CLUH: variants seen among roughly 807,000 people sequenced by gnomAD.
The protein encoded by CLUH is clustered mitochondria protein homolog.
A neutral mutation model predicts 139.3 loss-of-function variants in CLUH; 77 were observed. The observed-to-expected ratio is 0.55, with a 90% confidence interval of 0.46 to 0.67. The LOEUF (loss-of-function observed/expected upper bound fraction) is 0.67, where lower values mean the gene tolerates loss of function less well. CLUH is among the 30% of genes least tolerant of loss of function. The pLI is 0.00. For missense variants in CLUH, 1,876 were observed against 1,875.8 expected (o/e 1.00, Z 0.00); for synonymous variants, 999 against 801.6 (o/e 1.25, Z -4.16).
intron 9 of CLUH, among the ~76,000 whole-genome samples, chr17:2,700,121 CT>C (rs2070119818): frequency 6.6e-6 from 1 of 152,254 alleles, no homozygotes; most frequent in Non-Finnish European, 1.5e-5. Context: ...CTGCACGGCC[CT>C]GGACACTCAG....
intron 3 of CLUH, among the ~76,000 whole-genome samples, chr17:2,702,429 C>A (rs187650357): frequency 6.6e-6 from 1 of 152,232 alleles, no homozygotes; most frequent in African/African-American, 2.4e-5. Flanking sequence ...CCTGCTCTCC[C>A]GAGGCAGCCT....
chr17:2,698,009 G>T lies in CLUH; in HGVS notation c.1848C>A (p.Pro616=), dbSNP rs568638765. The change falls in exon 10 of 26, where the codon CCC becomes CCA. Residue 616 remains proline, a synonymous_variant. Transcript: ENST00000651024. ...CCTCAGGCAGCTCCTCGCCAGGCAC[G>T]GGCAGGAAGTTGAGGTCCGGGGGGA... is the stretch of plus-strand genomic sequence containing the variant. ...RTFPPDLNFL[P]VPGEELPEEC... The T allele has an allele frequency of 3.1e-6, 5 of 1,601,352 alleles. No individual in the cohort carries two copies. The highest frequency in any genetic ancestry group is 3.4e-6 in the Non-Finnish European group (4 of 1,177,904).
intron 25 of CLUH, among the ~76,000 whole-genome samples, chr17:2,691,310 T>C (rs2069619448): frequency 6.6e-6 from 1 of 151,884 alleles, no homozygotes; most frequent in Non-Finnish European, 1.5e-5. Context: ...ACGCCTGGAA[T>C]CCCAGCACTC....
chr17:2,704,810 C>T lies in CLUH; in HGVS notation c.101-246G>A, dbSNP rs1449683807. Among the ~76,000 whole-genome samples, 1 of 152,146 alleles carries T rather than the reference C, an allele frequency of 6.6e-6. No homozygotes were observed. Among genetic ancestry groups the T allele is most frequent in the East Asian group, 1.9e-4 (1 of 5,184 alleles). ...GCACCTGAACCCATGTCCCAAACCA[C>T]TCTCCCCAGGGTCACCAAAGCCACC... is the stretch of plus-strand genomic sequence containing the variant. On this transcript the variant is annotated intron_variant, in intron 1 of 25. Coordinates refer to ENST00000651024, the MANE Select transcript of CLUH (RefSeq NM_001366661.1). The surrounding 1 kb of genome is among the most constrained non-coding windows in gnomAD (Gnocchi z 5.7).
rs757172508 is a variant in CLUH, at chr17:2,691,984, G to GCCCCCGCCCCCGC, written c.3654+19_3654+20insGCGGGGGCGGGGG. On this transcript the variant is annotated intron_variant, in intron 23 of 25. Transcript: ENST00000651024. Reference sequence around the variant, plus strand: ...ACGCCCCCGCCCCGCCCCCGCCCCCGCCACGCCCCCGCCGCGCACCTGCGT... The same window carrying GCCCCCGCCCCCGC: ...ACGCCCCCGCCCCGCCCCCGCCCCCGCCCCCGCCCCCGCCCACGCCCCCGCCGCGCACCTGCGT... 4.1e-5 allele frequency: 20 copies of GCCCCCGCCCCCGC among 487,330 alleles called. No homozygotes were observed. Among genetic ancestry groups the GCCCCCGCCCCCGC allele is most frequent in the African/African-American group, 8.0e-5 (1 of 12,538 alleles). The allele number at this position is 487,330 out of a possible 1,614,324, so 30.2% of individuals were successfully genotyped here.
In CLUH at chr17:2,695,463, G is replaced by A. The variant is rs776361105; in HGVS notation, c.2455C>T (p.Arg819Cys). ...VDGATLAEVM[R>C]QRGINMRYLG... ...TAGCGCATGTTGATGCCCCGCTGGC[G>A]CATCACCTCTGCCAGCGTTGCCCCG... is the stretch of plus-strand genomic sequence containing the variant. Residue 819 changes from arginine (R) to cysteine (C), a missense_variant, in exon 14 of 26, where the codon CGC becomes TGC. Physicochemically the swap from Arg to Cys is radical, Grantham distance 180. Around this residue, in one of 3 missense-constraint regions of CLUH, gnomAD observed 1,454 missense variants for 1,384.4 expected, o/e 1.05. Coordinates refer to ENST00000651024, the MANE Select transcript of CLUH (RefSeq NM_001366661.1). 8 of 1,611,182 alleles carry A rather than the reference G, an allele frequency of 5.0e-6. No individual in the cohort carries two copies. The highest frequency in any genetic ancestry group is 2.2e-5 in the South Asian group (2 of 91,074).
At chr17:2,693,686 C>T (rs192908790) in intron 19 of CLUH, among the ~76,000 whole-genome samples, 3 of 152,186 alleles carry the variant, frequency 2.0e-5, no homozygotes, top group African/African-American at 7.2e-5. Flanking sequence ...CCCCTGCCAT[C>T]GCCTCCCAGA....
chr17:2,694,583 GCCTGAGCAGCCCAAGCACCGCCGGGCC>G lies in CLUH; in HGVS notation c.2853-46_2853-20del. 6.4e-7 allele frequency: 1 copy of G among 1,556,750 alleles called. No individual in the cohort carries two copies. The highest frequency in any genetic ancestry group is 8.7e-7 in the Non-Finnish European group (1 of 1,149,050). ...GGTCTCACTGAGGAGGGAGCAGGGG[GCCTGAGCAGCCCAAGCACCGCCGGGCC>G]CCCCCAACACCGCCCCACCCAGCTC... On this transcript the variant is annotated intron_variant, in intron 16 of 25. Coordinates refer to ENST00000651024, the MANE Select transcript of CLUH (RefSeq NM_001366661.1).
chr17:2,700,613 C>A, intron 8 of CLUH, 65 bp downstream of exon 8: 2 of 1,526,642 alleles, frequency 1.3e-6, no homozygotes, highest in Non-Finnish European at 1.8e-6. Flanking sequence ...GGGAAGTGCA[C>A]GGAACCAGCC....
chr17:2,693,668 G>A (rs556303818), intron 19 of CLUH, among the ~76,000 whole-genome samples: 1 of 151,952 alleles, frequency 6.6e-6, no homozygotes, highest in Admixed American at 6.6e-5. Context: ...GACGCCCTGT[G>A]GGGGGGTCCC....
chr17:2,697,164 G>A (rs547727523), intron 10 of CLUH, among the ~76,000 whole-genome samples: 4 of 152,206 alleles, frequency 2.6e-5, no homozygotes, highest in African/African-American at 4.8e-5. Flanking sequence ...CTTTGAGGAC[G>A]AGGCAGGCAG....
Position 2,691,752 on chromosome 17 carries a change from CG to C in CLUH, c.3789+8del, listed in dbSNP as rs1567574769. On this transcript the variant is annotated splice_region_variant and intron_variant, in intron 24 of 25. Coordinates refer to ENST00000651024, the MANE Select transcript of CLUH (RefSeq NM_001366661.1). ...CCGGGCCGGAGGGGCCGCTCCGCCC[CG>C]GACTCACCTTGAGGGGCGGGATGTT... 4 of 1,596,940 alleles carry C rather than the reference CG, an allele frequency of 2.5e-6. No individual in the cohort carries two copies. In the East Asian group the frequency reaches 6.8e-5, roughly 27 times the overall value.
At chr17:2,700,899 G>A in intron 7 of CLUH, 74 bp from the exon 8 acceptor site, 1 of 1,485,236 alleles carries the variant, frequency 6.7e-7, no homozygotes, top group South Asian at 1.4e-5. Flanking sequence ...CCTTTTCTGA[G>A]GCCCCCGCCT....
At chr17:2,698,909 A>T (rs954038961) in intron 9 of CLUH, among the ~76,000 whole-genome samples, 13 of 152,098 alleles carry the variant, frequency 8.5e-5, no homozygotes, top group Non-Finnish European at 1.9e-4. Context: ...CAGCCAGGCG[A>T]GGTGGCGCGC....
In CLUH at chr17:2,696,827, C is replaced by T; in HGVS notation, c.2077G>A (p.Glu693Lys). The change falls in exon 11 of 26, where the codon GAG becomes AAG. Residue 693 changes from glutamate to lysine, a missense_variant. Coordinates refer to ENST00000651024, the MANE Select transcript of CLUH (RefSeq NM_001366661.1). ...GGPSSLESKS[E>K]DPPGQEAGSE... ...CCCGCCTCCTGTCCTGGAGGATCCT[C>T]AGACTTGGACTCCAAGGAGGAAGGA... 1 of 1,613,568 alleles carries T rather than the reference C, an allele frequency of 6.2e-7. No individual in the cohort carries two copies. The highest frequency in any genetic ancestry group is 1.1e-5 in the South Asian group (1 of 91,074).
Position 2,696,834 on chromosome 17 carries a change from G to C in CLUH, c.2070C>G (p.Ser690=). 1.2e-6 allele frequency: 2 copies of C among 1,613,580 alleles called. No individual in the cohort carries two copies. Among genetic ancestry groups the C allele is most frequent in the Non-Finnish European group, 1.7e-6 (2 of 1,179,866 alleles). The part of the protein sequence containing the change: ...LENGGPSSLE[S]KSEDPPGQEA... Reference sequence around the variant, plus strand: ...CCTGTCCTGGAGGATCCTCAGACTTGGACTCCAAGGAGGAAGGACCACCAT... The same window carrying C: ...CCTGTCCTGGAGGATCCTCAGACTTCGACTCCAAGGAGGAAGGACCACCAT... The change falls in exon 11 of 26, where the codon TCC becomes TCG. Residue 690 remains serine (S), a synonymous_variant. Transcript: ENST00000651024.
Position 2,703,211 on chromosome 17 carries a change from G to A in CLUH, c.475+107C>T, listed in dbSNP as rs2070241765. The A allele has an allele frequency of 2.6e-6, 3 of 1,175,528 alleles. No homozygotes were observed. Among genetic ancestry groups the A allele is most frequent in the Admixed American group, 4.4e-5 (2 of 45,320 alleles). The allele number at this position is 1,175,528 out of a possible 1,614,324, so 72.8% of individuals were successfully genotyped here. A position where few individuals can be genotyped will look rare whatever the true frequency, so the allele number is the denominator to read the frequency against. On this transcript the variant is annotated intron_variant, in intron 3 of 25. Transcript: ENST00000651024. This position sits in a 1 kb window ranked among gnomAD's most constrained non-coding sequence, Gnocchi z 4.2. ...AGAAGCAGATCTGTGCTCCAATCCTGCCTCCATGAGCTCATCCGTGACACA... is the reference window on the plus strand; with the variant it reads ...AGAAGCAGATCTGTGCTCCAATCCTACCTCCATGAGCTCATCCGTGACACA...
Position 2,698,306 on chromosome 17 carries a change from G to T in CLUH, c.1551C>A (p.Gly517=), listed in dbSNP as rs34300011. The change falls in exon 10 of 26, where the codon GGC becomes GGA. Residue 517 remains glycine (G), a synonymous_variant. Transcript: ENST00000651024. The part of the protein sequence containing the change: ...TLGTVVVDYR[G]YRVTAQSIIP... The stretch of plus-strand genomic sequence containing the variant: ...TGATGGACTGGGCCGTGACCCGGTA[G>T]CCGCGGTAATCCACCACCACCGTGC... 2.5e-6 allele frequency: 4 copies of T among 1,612,648 alleles called. No homozygotes were observed. The highest frequency in any genetic ancestry group is 3.4e-6 in the Non-Finnish European group (4 of 1,179,634).
In CLUH at chr17:2,694,659, C is replaced by G. The variant is rs555243676; in HGVS notation, c.2853-95G>C. The G allele has an allele frequency of 9.0e-4, 1,232 of 1,364,612 alleles. 3 individuals carry two copies. The highest frequency in any genetic ancestry group is 1.1e-3 in the Non-Finnish European group (1,050 of 996,364). 84.5% of individuals were successfully genotyped at this position (1,364,612 alleles called of 1,614,324 possible). A position where few individuals can be genotyped will look rare whatever the true frequency, so the allele number is the denominator to read the frequency against. ...TCCCCAACGCTGTCCAGCCCGGGCC[C>G]CCAACACTGCCCCACCCGGCCCCCG... On this transcript the variant is annotated intron_variant, in intron 16 of 25. Transcript: ENST00000651024.
Sources: allele counts gnomAD v4.1 joint callset (sites outside exome capture counted in the v4.1 genomes callset), GRCh38; gene constraint gnomAD v4.1.1; regional missense constraint gnomAD v4.1.1; non-coding constraint Gnocchi (gnomAD v3.1); transcripts MANE v1.5; gene names NCBI Gene and HGNC (gene_info 2026-07-23, HGNC 2026-07-21).